ZNF516: variants seen among roughly 807,000 people sequenced by gnomAD.
The protein encoded by ZNF516 is zinc finger protein 516.
A neutral mutation model predicts 79.7 loss-of-function variants in ZNF516; 19 were observed. The ratio of observed to expected loss-of-function variants is 0.24; its 90% CI spans 0.17 to 0.35. The LOEUF (loss-of-function observed/expected upper bound fraction) is 0.35. Ranked by LOEUF, ZNF516 falls within the 10% of genes least tolerant of loss-of-function variation. The probability of loss-of-function intolerance (pLI) is 1.00; values close to 1 mark genes in which losing one functional copy is unlikely to be tolerated. For synonymous variants in ZNF516, 877 were observed against 739.5 expected (o/e 1.19, Z -3.02); for missense variants, 1,678 against 1,679.5 (o/e 1.00, Z 0.02).
At chr18:76,398,282 C>T (rs1253206647) in intron 3 of ZNF516, among the ~76,000 whole-genome samples, 1 of 152,244 alleles carries the variant, frequency 6.6e-6, no homozygotes. Context: ...AACACATCCA[C>T]TGGAGAAAAT....
chr18:76,373,432 G>A (rs981306766), intron 4 of ZNF516, among the ~76,000 whole-genome samples: 19 of 152,156 alleles, frequency 1.2e-4, no homozygotes, highest in Admixed American at 2.0e-4. Flanking sequence ...GAGCTCCTAC[G>A]AAATGAATTT....
At chr18:76,373,661 A>C (rs551773950) in intron 4 of ZNF516, among the ~76,000 whole-genome samples, 2 of 152,388 alleles carry the variant, frequency 1.3e-5, no homozygotes, top group Non-Finnish European at 2.9e-5. Context: ...AAACATGGAT[A>C]GCCCTCCCAC....
chr18:76,429,631 C>T (rs1398475142), intron 3 of ZNF516, among the ~76,000 whole-genome samples: 1 of 152,154 alleles, frequency 6.6e-6, no homozygotes, highest in African/African-American at 2.4e-5. Context: ...CCAGACACGC[C>T]CTGCTGGGCT....
At chr18:76,418,093 A>T (rs192974538) in intron 3 of ZNF516, among the ~76,000 whole-genome samples, 326 of 152,336 alleles carry the variant, frequency 2.1e-3, no homozygotes, top group African/African-American at 7.2e-3. Context: ...CACTGTCAAC[A>T]CACACTGTAA....
At chr18:76,461,605 T>C (rs1318821654) in intron 2 of ZNF516, among the ~76,000 whole-genome samples, 2 of 152,226 alleles carry the variant, frequency 1.3e-5, no homozygotes, top group Non-Finnish European at 2.9e-5. Flanking sequence ...ACACAAACGT[T>C]TTGCAATCTT....
intron 3 of ZNF516, among the ~76,000 whole-genome samples, chr18:76,431,375 T>C (rs146897959): frequency 3.5e-4 from 53 of 152,304 alleles, no homozygotes; most frequent in African/African-American, 1.2e-3. Flanking sequence ...CTAAGAATGA[T>C]GCAAATCAAA....
At chr18:76,435,524 G>A (rs1257088872) in intron 3 of ZNF516, among the ~76,000 whole-genome samples, 1 of 152,204 alleles carries the variant, frequency 6.6e-6, no homozygotes, top group East Asian at 1.9e-4. Context: ...GTGCGGGAGC[G>A]CGGATTAAGA....
At chr18:76,422,171 G>A (rs1355360193) in intron 3 of ZNF516, among the ~76,000 whole-genome samples, 2 of 152,234 alleles carry the variant, frequency 1.3e-5, no homozygotes, top group Non-Finnish European at 1.5e-5. Context: ...ATCAGCTAGA[G>A]ATGTGGAGGA....
intron 6 of ZNF516, among the ~76,000 whole-genome samples, chr18:76,363,422 A>T (rs528181734): frequency 6.6e-6 from 1 of 152,288 alleles, no homozygotes; most frequent in Admixed American, 6.5e-5. Context: ...TGACATAATG[A>T]ATTAAGGGCT....
chr18:76,433,081 A>G (rs931447212), intron 3 of ZNF516, among the ~76,000 whole-genome samples: 3 of 152,006 alleles, frequency 2.0e-5, no homozygotes, highest in African/African-American at 7.3e-5. Context: ...TCCATTGAAG[A>G]CTCTGTAGGC....
intron 3 of ZNF516, among the ~76,000 whole-genome samples, chr18:76,403,895 A>G (rs939213048): frequency 6.6e-6 from 1 of 152,168 alleles, no homozygotes; most frequent in African/African-American, 2.4e-5. Flanking sequence ...GAACATGCAT[A>G]CCCCTGCAAC....
intron 2 of ZNF516, among the ~76,000 whole-genome samples, chr18:76,458,714 C>T (rs1189681022): frequency 7.6e-6 from 1 of 131,798 alleles, no homozygotes; most frequent in Admixed American, 8.2e-5. Flanking sequence ...GCCTCACCGT[C>T]GTGCGTGTGC....
At position 76,380,206 on chromosome 18, in the gene ZNF516, T is replaced by C; in HGVS notation, c.1908A>G (p.Glu636=). The C allele has an allele frequency of 1.2e-6, 2 of 1,614,012 alleles. No homozygotes were observed. The highest frequency in any genetic ancestry group is 1.7e-6 in the Non-Finnish European group (2 of 1,179,888). Residue 636 remains glutamate (E), a synonymous_variant, in exon 4 of 7, where the codon GAA becomes GAG. Transcript: ENST00000443185. ...CTGCCTTGGACTCGCCGGTGTCTCT[T>C]TCCGAGGCGTTATCTCCCATCTTGT... ...QSHKMGDNAS[E]RDTGESKAGI... is the part of the protein sequence containing the mutation.
Position 76,379,265 on chromosome 18 carries a change from A to G in ZNF516, c.2849T>C (p.Val950Ala). The G allele has an allele frequency of 1.9e-6, 3 of 1,612,400 alleles. No individual in the cohort carries two copies. Among genetic ancestry groups the G allele is most frequent in the Non-Finnish European group, 2.5e-6 (3 of 1,179,564 alleles). Residue 950 changes from valine to alanine, a missense_variant, in exon 4 of 7, where the codon GTG (valine) becomes GCG (alanine). Coordinates refer to ENST00000443185, the MANE Select transcript of ZNF516 (RefSeq NM_014643.4). ...GAQPSANSKPVEKFGVPPAGA... is the reference protein window; with the variant it reads ...GAQPSANSKPAEKFGVPPAGA... ...CGCTGGGGGGACCCCAAACTTCTCC[A>G]CAGGCTTGCTATTGGCCGAGGGCTG...
At chr18:76,473,528 G>A (rs776713335) in intron 1 of ZNF516, among the ~76,000 whole-genome samples, 60 of 152,134 alleles carry the variant, frequency 3.9e-4, no homozygotes, top group Non-Finnish European at 4.7e-4. Context: ...TTGGCTGGGT[G>A]CGGTGGCTCA....
At chr18:76,471,670 G>T (rs1408424843) in intron 1 of ZNF516, among the ~76,000 whole-genome samples, 1 of 152,156 alleles carries the variant, frequency 6.6e-6, no homozygotes, top group Admixed American at 6.5e-5. Context: ...CGTCACGCTA[G>T]ATCCTGTCAC....
intron 1 of ZNF516, among the ~76,000 whole-genome samples, chr18:76,464,742 T>C (rs961218950): frequency 1.3e-5 from 2 of 152,080 alleles, no homozygotes; most frequent in Non-Finnish European, 2.9e-5. Flanking sequence ...GACAGTGGCC[T>C]CCTGGACTTG....
chr18:76,418,744 T>C (rs1465980452), intron 3 of ZNF516, among the ~76,000 whole-genome samples: 1 of 152,252 alleles, frequency 6.6e-6, no homozygotes, highest in Non-Finnish European at 1.5e-5. Flanking sequence ...CTCAATTTCC[T>C]TTTTCAAACG....
rs1280940428 is a variant in ZNF516, at chr18:76,386,785, G to C, written c.1811-6482C>G. The C allele has an allele frequency of 2.6e-5, 4 of 152,144 alleles. No individual in the cohort carries two copies. In the South Asian group the frequency reaches 8.3e-4, roughly 32 times the overall value. 9.4% of individuals were successfully genotyped at this position (152,144 alleles called of 1,614,324 possible). ...GAGCTGGACTTTTCAAGATTTTCCAGTTCTATGACTGACAATTTTACCCAC... is the reference window on the plus strand; with the variant it reads ...GAGCTGGACTTTTCAAGATTTTCCACTTCTATGACTGACAATTTTACCCAC... On this transcript the variant is annotated intron_variant, in intron 3 of 6. Transcript: ENST00000443185.
Sources: allele counts gnomAD v4.1 joint callset (sites outside exome capture counted in the v4.1 genomes callset), GRCh38; gene constraint gnomAD v4.1.1; transcripts MANE v1.5; gene names NCBI Gene and HGNC (gene_info 2026-07-23, HGNC 2026-07-21).